ALCAM: variants seen among roughly 807,000 people sequenced by gnomAD.
ALCAM encodes CD166 antigen.
A neutral mutation model predicts 70.9 loss-of-function variants in ALCAM; 30 were observed. That is an observed-to-expected ratio of 0.42 (90% CI 0.32 to 0.57). The LOEUF (loss-of-function observed/expected upper bound fraction) is 0.57, where lower values mean the gene tolerates loss of function less well. Ranked by LOEUF, ALCAM falls within the 20% of genes least tolerant of loss-of-function variation. ALCAM has a pLI of 0.11. For synonymous variants in ALCAM, 249 were observed against 242.5 expected (o/e 1.03, Z -0.25); for missense variants, 591 against 695.1 (o/e 0.85, Z 1.68).
chr3:105,458,253 A>G (rs999983494), intron 1 of ALCAM, among the ~76,000 whole-genome samples: 5 of 152,220 alleles, frequency 3.3e-5, no homozygotes, highest in African/African-American at 1.2e-4. Context: ...GTGTTAAGCA[A>G]TGATGAATTT....
rs111730267 is a variant in ALCAM, at chr3:105,498,045, A to G, written c.74-22022A>G. On this transcript the variant is annotated intron_variant, in intron 1 of 15. Transcript: ENST00000306107. ...GACTCTGCCTCAAAAAAAAAAAAAA[A>G]GGGGGGAAATTGGACTATCCTTTGT... Among the ~76,000 whole-genome samples the G allele has an allele frequency of 8.2e-3, 1,210 of 148,386 alleles. 6 individuals are homozygous for G. The highest frequency in any genetic ancestry group is 0.01 in the African/African-American group (424 of 40,664).
At chr3:105,454,308 A>G (rs1321413396) in intron 1 of ALCAM, among the ~76,000 whole-genome samples, 1 of 152,218 alleles carries the variant, frequency 6.6e-6, no homozygotes, top group Non-Finnish European at 1.5e-5. Context: ...TTTAGTGGCA[A>G]CCAAGAGTAA....
chr3:105,476,120 G>A (rs187885000), intron 1 of ALCAM, among the ~76,000 whole-genome samples: 1 of 151,886 alleles, frequency 6.6e-6, no homozygotes, highest in African/African-American at 2.4e-5. Context: ...TGCCTTCTCT[G>A]GTGCATTCCA....
At chr3:105,534,635 T>A in intron 5 of ALCAM, 28 bp from the exon 6 acceptor site, 1 of 1,601,956 alleles carries the variant, frequency 6.2e-7, no homozygotes, top group Non-Finnish European at 8.6e-7. Context: ...TGAAAGACCC[T>A]ATCATCAGTG....
chr3:105,476,159 C>A (rs1396579828), intron 1 of ALCAM, among the ~76,000 whole-genome samples: 1 of 151,974 alleles, frequency 6.6e-6, no homozygotes, highest in Non-Finnish European at 1.5e-5. Flanking sequence ...CTTTGAAACA[C>A]CTTGTTCCTG....
At chr3:105,536,296 G>C (rs1296521080) in intron 6 of ALCAM, among the ~76,000 whole-genome samples, 1 of 151,978 alleles carries the variant, frequency 6.6e-6, no homozygotes, top group East Asian at 1.9e-4. Flanking sequence ...GTTCCACCAT[G>C]TTGGTCAGGT....
In ALCAM at chr3:105,552,163, T is replaced by C; in HGVS notation, c.1527T>C (p.Asp509=). The C allele has an allele frequency of 6.2e-7, 1 of 1,602,700 alleles. No homozygotes were observed. The highest frequency in any genetic ancestry group is 8.5e-7 in the Non-Finnish European group (1 of 1,175,638). The change falls in exon 13 of 16, where the codon GAT becomes GAC. Residue 509 remains aspartate, a synonymous_variant. Coordinates refer to ENST00000306107, the MANE Select transcript of ALCAM (RefSeq NM_001627.4). ...NVSAISIPEH[D]EADEISDENR... is the part of the protein sequence containing the mutation. ...TTTCAGTAAGTATTCCAGAACACGATGAGGCAGACGAGATAAGTGGTAGGT... is the reference window on the plus strand; with the variant it reads ...TTTCAGTAAGTATTCCAGAACACGACGAGGCAGACGAGATAAGTGGTAGGT...
intron 13 of ALCAM, 113 bp downstream of exon 13, chr3:105,552,295 C>T (rs1276229767): frequency 1.5e-6 from 2 of 1,305,772 alleles, no homozygotes; most frequent in Non-Finnish European, 2.1e-6. Flanking sequence ...AATTAAAATA[C>T]CAAAGACAAG....
chr3:105,525,548 G>A (rs149095687), intron 3 of ALCAM, among the ~76,000 whole-genome samples: 4 of 152,044 alleles, frequency 2.6e-5, no homozygotes, highest in Non-Finnish European at 5.9e-5. Flanking sequence ...ACTTGACAGC[G>A]CTTAGAAATT....
At chr3:105,389,371 GTTTTTTTTTTTTTTTTTT>G (rs371987714) in intron 1 of ALCAM, among the ~76,000 whole-genome samples, 1 of 58,188 alleles carries the variant, frequency 1.7e-5, no homozygotes, top group Non-Finnish European at 3.0e-5. Flanking sequence ...TATATACATA[GTTTTTTTTTTTTTTTTTT>G]TTTTTTTTTC....
chr3:105,521,128 C>T (rs1265743331), intron 2 of ALCAM, among the ~76,000 whole-genome samples: 1 of 150,814 alleles, frequency 6.6e-6, no homozygotes, highest in Non-Finnish European at 1.5e-5. Context: ...GGTGAAACCC[C>T]GTCTCTACTA....
chr3:105,408,676 C>T (rs775282878), intron 1 of ALCAM, among the ~76,000 whole-genome samples: 1 of 151,866 alleles, frequency 6.6e-6, no homozygotes, highest in Non-Finnish European at 1.5e-5. Flanking sequence ...AAAGCAAATG[C>T]AACAAAAACA....
At chr3:105,463,615 G>T (rs942330195) in intron 1 of ALCAM, among the ~76,000 whole-genome samples, 44 of 151,552 alleles carry the variant, frequency 2.9e-4, no homozygotes, top group Admixed American at 2.0e-3. Flanking sequence ...GATACCACCT[G>T]CATCATAAGG....
chr3:105,555,427 G>A (rs1940494120), intron 14 of ALCAM, among the ~76,000 whole-genome samples: 1 of 151,996 alleles, frequency 6.6e-6, no homozygotes, highest in East Asian at 1.9e-4. Context: ...TCTGAAATAA[G>A]CAGGCATTTT....
chr3:105,551,592 G>A (rs1158717143), intron 12 of ALCAM, among the ~76,000 whole-genome samples: 1 of 151,488 alleles, frequency 6.6e-6, no homozygotes, highest in Non-Finnish European at 1.5e-5. Context: ...TGGACAAAGA[G>A]CATGGCATTA....
chr3:105,485,117 AG>A (rs1938389640), intron 1 of ALCAM, among the ~76,000 whole-genome samples: 1 of 152,118 alleles, frequency 6.6e-6, no homozygotes, highest in Non-Finnish European at 1.5e-5. Context: ...GCTTTACATA[AG>A]GGAATAGAAA....
At chr3:105,531,117 T>G (rs1939828513) in intron 3 of ALCAM, 1 of 152,124 alleles carries the variant, frequency 6.6e-6, no homozygotes, top group Admixed American at 6.5e-5. Flanking sequence ...ATATACTTTT[T>G]GTGTAAACTA....
chr3:105,534,978 C>G (rs1277066781), intron 6 of ALCAM, 133 bp downstream of exon 6: 6 of 756,522 alleles, frequency 7.9e-6, no homozygotes, highest in Non-Finnish European at 8.4e-6. Context: ...TGATGGCACC[C>G]AAATAATCTC....
intron 1 of ALCAM, among the ~76,000 whole-genome samples, chr3:105,438,508 A>G (rs2152581581): frequency 6.6e-6 from 1 of 152,348 alleles, no homozygotes; most frequent in African/African-American, 2.4e-5. Context: ...AAATGTTAAA[A>G]GAAAATGTTT....
Sources: gnomAD v4.1 joint callset for allele counts (sites outside exome capture counted in the v4.1 genomes callset) on GRCh38, gnomAD v4.1.1 for gene constraint, MANE v1.5 for transcripts, NCBI Gene and HGNC (gene_info 2026-07-23, HGNC 2026-07-21) for gene names.